Variants in TBC1D5 observed in about 807,000 individuals in gnomAD.
TBC1D5 encodes TBC1 domain family member 5, also known as TBC1 domain family, member 5.
A neutral mutation model predicts 100.3 loss-of-function variants in TBC1D5; 75 were observed. The observed-to-expected ratio is 0.75, with a 90% confidence interval of 0.62 to 0.91. The LOEUF (loss-of-function observed/expected upper bound fraction) is 0.91. Among genes scored for constraint, TBC1D5 ranks in the 40% least tolerant of loss-of-function variants. TBC1D5 has a pLI of 0.00. For synonymous variants in TBC1D5, 323 were observed against 325.6 expected, an observed-to-expected ratio of 0.99 and a Z score of 0.09; for missense variants, 910 against 942.4, an observed-to-expected ratio of 0.97 and a Z score of 0.45.
chr3:17,405,162 C>T (rs1575731777), intron 5 of TBC1D5, among the ~76,000 whole-genome samples: 1 of 151,804 alleles, frequency 6.6e-6, no homozygotes, highest in African/African-American at 2.4e-5. Context: ...TGAACAAAGG[C>T]CAAAAAGCAA....
chr3:17,685,933 C>CCT (rs1416630558), intron 1 of TBC1D5, among the ~76,000 whole-genome samples: 1 of 152,078 alleles, frequency 6.6e-6, no homozygotes, highest in East Asian at 1.9e-4. Flanking sequence ...CACTAGTGGA[C>CCT]AATGTTTTAC....
chr3:17,642,709 A>G (rs548414726), intron 1 of TBC1D5, among the ~76,000 whole-genome samples: 49 of 152,240 alleles, frequency 3.2e-4, no homozygotes, highest in African/African-American at 1.2e-3. Flanking sequence ...CTATCCTGGA[A>G]CTCTGCCCAA....
At chr3:17,234,797 C>A (rs970752546) in intron 17 of TBC1D5, among the ~76,000 whole-genome samples, 1 of 152,018 alleles carries the variant, frequency 6.6e-6, no homozygotes, top group African/African-American at 2.4e-5. Context: ...AATGACATAT[C>A]CTCAGTGTTC....
chr3:17,663,473 A>C (rs928574209), intron 1 of TBC1D5, among the ~76,000 whole-genome samples: 3 of 152,160 alleles, frequency 2.0e-5, no homozygotes, highest in Admixed American at 6.5e-5. Flanking sequence ...TAAAATAAAT[A>C]TAAATGGTCA....
intron 4 of TBC1D5, among the ~76,000 whole-genome samples, chr3:17,427,668 T>C (rs1335325258): frequency 6.6e-6 from 1 of 151,950 alleles, no homozygotes; most frequent in Non-Finnish European, 1.5e-5. Flanking sequence ...AAATTGTTTC[T>C]TCAAGAATCT....
intron 19 of TBC1D5, among the ~76,000 whole-genome samples, chr3:17,176,303 T>C (rs1349404041): frequency 6.6e-6 from 1 of 152,182 alleles, no homozygotes; most frequent in Non-Finnish European, 1.5e-5. Flanking sequence ...GCAGTTGCTA[T>C]TGTATGTGAC....
At chr3:17,672,738 A>G (rs1170568207) in intron 1 of TBC1D5, 2 of 152,210 alleles carry the variant, frequency 1.3e-5, no homozygotes, top group East Asian at 3.8e-4. Context: ...AAGAAAAAAG[A>G]AAGCAAAATA....
chr3:17,261,541 T>G (rs2078288065), intron 15 of TBC1D5, among the ~76,000 whole-genome samples: 2 of 152,270 alleles, frequency 1.3e-5, no homozygotes, highest in East Asian at 3.9e-4. Flanking sequence ...TACTGCTATC[T>G]TGGCTCATTG....
At chr3:17,578,114 T>A (rs1265512767) in intron 2 of TBC1D5, among the ~76,000 whole-genome samples, 2 of 152,078 alleles carry the variant, frequency 1.3e-5, no homozygotes, top group African/African-American at 4.8e-5. Flanking sequence ...TCACTCTTTT[T>A]TTACATTTGA....
At chr3:17,261,001 A>C (rs2078230996) in intron 15 of TBC1D5, among the ~76,000 whole-genome samples, 1 of 149,062 alleles carries the variant, frequency 6.7e-6, no homozygotes, top group African/African-American at 2.6e-5. Context: ...AAACAGCCAC[A>C]TGTGGCAAGT....
chr3:17,248,306 CCTCT>C (rs1190597736), intron 16 of TBC1D5, among the ~76,000 whole-genome samples: 1 of 149,406 alleles, frequency 6.7e-6, no homozygotes, highest in Admixed American at 6.6e-5. Flanking sequence ...GTCTTGAATC[CCTCT>C]GAGTCATTGA....
intron 2 of TBC1D5, among the ~76,000 whole-genome samples, chr3:17,560,637 TG>T (rs1191942259): frequency 1.1e-5 from 1 of 92,276 alleles, no homozygotes; most frequent in Non-Finnish European, 2.3e-5. Flanking sequence ...AAAGGGGGGG[TG>T]GGGGGCGGAC....
At chr3:17,249,948 T>G (rs1475562690) in intron 16 of TBC1D5, among the ~76,000 whole-genome samples, 1 of 152,308 alleles carries the variant, frequency 6.6e-6, no homozygotes, top group East Asian at 1.9e-4. Context: ...GGTATAATAC[T>G]GAATACATAT....
chr3:17,456,444 ACT>A (rs1474225755), intron 3 of TBC1D5, among the ~76,000 whole-genome samples: 3 of 152,162 alleles, frequency 2.0e-5, no homozygotes, highest in Admixed American at 6.5e-5. Context: ...AGCTCACAAA[ACT>A]CTATAAGAAA....
Position 17,211,696 on chromosome 3 carries a change from C to T in TBC1D5, c.1752+2511G>A, listed in dbSNP as rs370104163. Among the ~76,000 whole-genome samples, 23 of 152,292 alleles carry T rather than the reference C, an allele frequency of 1.5e-4. No homozygotes were observed. The East Asian group carries it at 2.5e-3, about 17-fold the overall frequency. ...CTTAGGCTGCTTAGTTGTCACTTGT[C>T]ATCTGTTTTCCAAGTAACAATATTT... On this transcript the variant is annotated intron_variant, in intron 18 of 21. Coordinates refer to ENST00000253692, the Ensembl canonical transcript of TBC1D5.
At chr3:17,554,883 C>T (rs1180463973) in intron 2 of TBC1D5, among the ~76,000 whole-genome samples, 2 of 151,190 alleles carry the variant, frequency 1.3e-5, no homozygotes, top group Admixed American at 6.6e-5. Flanking sequence ...CAGAGTCTCA[C>T]TCTGTCGCCA....
intron 15 of TBC1D5, among the ~76,000 whole-genome samples, chr3:17,271,949 GT>G (rs1406013991): frequency 6.6e-6 from 1 of 152,184 alleles, no homozygotes; most frequent in Non-Finnish European, 1.5e-5. Context: ...CAAGGCCAAT[GT>G]GAAAGGAAAA....
intron 19 of TBC1D5, among the ~76,000 whole-genome samples, chr3:17,182,852 GAA>G (rs1393797819): frequency 6.6e-6 from 1 of 152,024 alleles, no homozygotes; most frequent in Admixed American, 6.6e-5. Context: ...TTTTCTAAGA[GAA>G]AGAGAATGAG....
At chr3:17,709,268 T>C (rs1037289551) in intron 1 of TBC1D5, among the ~76,000 whole-genome samples, 1 of 152,180 alleles carries the variant, frequency 6.6e-6, no homozygotes, top group Non-Finnish European at 1.5e-5. Context: ...GGCCTGTACA[T>C]GTAAAGGCAG....
Sources: gnomAD v4.1 joint callset for allele counts (sites outside exome capture counted in the v4.1 genomes callset) on GRCh38, gnomAD v4.1.1 for gene constraint, MANE v1.5 for transcripts, NCBI Gene and HGNC (gene_info 2026-07-23, HGNC 2026-07-21) for gene names.